Variants in POLD3 observed in about 807,000 individuals in gnomAD.
The protein encoded by POLD3 is DNA polymerase delta subunit 3.
In POLD3, 19 loss-of-function variants were observed where a neutral mutation model predicts 58.2. The ratio of observed to expected loss-of-function variants is 0.33; its 90% CI spans 0.23 to 0.48. The LOEUF is 0.48. POLD3 is among the 20% of genes least tolerant of loss of function. The probability of loss-of-function intolerance (pLI) is 0.99; values close to 1 mark genes in which losing one functional copy is unlikely to be tolerated. For synonymous variants in POLD3, 172 were observed against 193.5 expected (o/e 0.89, Z 0.92); for missense variants, 504 against 545.5 (o/e 0.92, Z 0.76).
chr11:74,615,420 A>G (rs2032053478), intron 5 of POLD3, among the ~76,000 whole-genome samples: 1 of 152,228 alleles, frequency 6.6e-6, no homozygotes, highest in Admixed American at 6.5e-5. Context: ...AATGCTGAGA[A>G]GCCAAGTAAG....
At chr11:74,608,154 TA>T (rs2031761588) in intron 3 of POLD3, among the ~76,000 whole-genome samples, 1 of 152,212 alleles carries the variant, frequency 6.6e-6, no homozygotes, top group African/African-American at 2.4e-5. Context: ...AATCATTGCC[TA>T]AATCATTAAT....
chr11:74,610,470 A>G (rs575580467), intron 3 of POLD3, among the ~76,000 whole-genome samples: 58 of 152,182 alleles, frequency 3.8e-4, no homozygotes, highest in African/African-American at 1.3e-3. Context: ...CGGCCTCCCA[A>G]AGTACTGGGA....
At chr11:74,668,713 G>C (rs1300014952) in intron 4 of POLD3, 5 of 1,145,988 alleles carry the variant, frequency 4.4e-6, no homozygotes, top group South Asian at 1.3e-5. Context: ...ATGGGGTTAG[G>C]GGGTATAATG....
intron 4 of POLD3, among the ~76,000 whole-genome samples, chr11:74,661,556 G>C (rs1236917816): frequency 6.6e-6 from 1 of 152,220 alleles, no homozygotes; most frequent in African/African-American, 2.4e-5. Flanking sequence ...TTCACTCTCT[G>C]TGCTGAGCCG....
intron 4 of POLD3, among the ~76,000 whole-genome samples, chr11:74,650,216 A>G (rs551048822): frequency 3.3e-5 from 5 of 152,242 alleles, no homozygotes; most frequent in African/African-American, 9.6e-5. Context: ...TTTGCCAACT[A>G]ACCTTTATTG....
intron 2 of POLD3, among the ~76,000 whole-genome samples, chr11:74,596,663 T>G (rs1235668437): frequency 1.5e-5 from 2 of 129,612 alleles, no homozygotes; most frequent in East Asian, 2.2e-4. Context: ...CAAGAATATA[T>G]CATCACTAAC....
In POLD3 at chr11:74,640,743, A is replaced by T; in HGVS notation, c.1378A>T (p.Thr460Ser). Residue 460 changes from threonine (T) to serine (S), a missense_variant, in exon 12 of 12, where the codon ACT becomes TCT. By Grantham distance (58) the Thr-to-Ser change is moderately conservative. Around this residue, in one of 2 missense-constraint regions of POLD3, gnomAD observed 385 missense variants for 370.5 expected, o/e 1.04. Coordinates refer to ENST00000263681, the MANE Select transcript of POLD3 (RefSeq NM_006591.3). ...LGKANRQVSI[T>S]GFFQRK ...CAAAGCCAACAGACAGGTGTCCATT[A>T]CTGGCTTCTTCCAGAGGAAATAAAC... 1 of 1,599,624 alleles carries T rather than the reference A, an allele frequency of 6.3e-7. No homozygotes were observed. Among genetic ancestry groups the T allele is most frequent in the Non-Finnish European group, 8.5e-7 (1 of 1,175,006 alleles).
chr11:74,662,459 G>A (rs2033216951), intron 4 of POLD3, among the ~76,000 whole-genome samples: 1 of 152,112 alleles, frequency 6.6e-6, no homozygotes, highest in African/African-American at 2.4e-5. Context: ...CTGGACCAGG[G>A]TGTGTCTAGA....
At chr11:74,637,871 C>A (rs1032382722) in intron 11 of POLD3, among the ~76,000 whole-genome samples, 1 of 151,294 alleles carries the variant, frequency 6.6e-6, no homozygotes, top group Non-Finnish European at 1.5e-5. Flanking sequence ...CTTTGGTTAC[C>A]AACAAAGGAG....
At chr11:74,657,037 C>A (rs1467896002) in intron 4 of POLD3, among the ~76,000 whole-genome samples, 1 of 60,872 alleles carries the variant, frequency 1.6e-5, no homozygotes, top group African/African-American at 6.4e-5. Flanking sequence ...TATATAATGA[C>A]CTTCCTTGTC....
At chr11:74,656,862 T>C (rs2033143007) in intron 4 of POLD3, among the ~76,000 whole-genome samples, 1 of 152,006 alleles carries the variant, frequency 6.6e-6, no homozygotes, top group African/African-American at 2.4e-5. Flanking sequence ...TTGGATGAAA[T>C]GTTCTCTAAA....
chr11:74,662,217 C>T (rs1376309272), intron 4 of POLD3, among the ~76,000 whole-genome samples: 3 of 152,206 alleles, frequency 2.0e-5, no homozygotes, highest in African/African-American at 7.2e-5. Flanking sequence ...AAGACAAAGT[C>T]CCCTTTACTT....
chr11:74,610,928 C>T (rs2031889865), intron 3 of POLD3, among the ~76,000 whole-genome samples: 1 of 152,132 alleles, frequency 6.6e-6, no homozygotes, highest in East Asian at 1.9e-4. Flanking sequence ...GTGCCTGCCA[C>T]CATGCCCAGC....
At chr11:74,606,357 A>C (rs1365893345) in intron 3 of POLD3, among the ~76,000 whole-genome samples, 1 of 152,190 alleles carries the variant, frequency 6.6e-6, no homozygotes, top group Non-Finnish European at 1.5e-5. Context: ...GCTGATTGTC[A>C]TATTTTCTTC....
chr11:74,663,315 A>C (rs1203202648), intron 4 of POLD3, among the ~76,000 whole-genome samples: 2 of 152,252 alleles, frequency 1.3e-5, no homozygotes, highest in Non-Finnish European at 2.9e-5. Context: ...AAATGGATCA[A>C]TAGGTTCAAA....
chr11:74,652,162 T>C (rs2033075454), intron 4 of POLD3, among the ~76,000 whole-genome samples: 1 of 152,200 alleles, frequency 6.6e-6, no homozygotes, highest in Non-Finnish European at 1.5e-5. Flanking sequence ...CCTAAATGCC[T>C]TGTAATAACA....
intron 2 of POLD3, among the ~76,000 whole-genome samples, chr11:74,601,678 C>T (rs2031504922): frequency 6.6e-6 from 1 of 152,080 alleles, no homozygotes; most frequent in Non-Finnish European, 1.5e-5. Flanking sequence ...GTCCTGTTTA[C>T]TTAGGAGGCT....
At chr11:74,603,452 A>T (rs1565112629) in intron 2 of POLD3, among the ~76,000 whole-genome samples, 1 of 152,186 alleles carries the variant, frequency 6.6e-6, no homozygotes, top group Non-Finnish European at 1.5e-5. Context: ...GATGGATGAA[A>T]TAAACCGAGG....
chr11:74,622,341 G>A (rs187645398), intron 7 of POLD3, among the ~76,000 whole-genome samples: 83 of 152,186 alleles, frequency 5.5e-4, no homozygotes, highest in African/African-American at 1.9e-3. Flanking sequence ...ACGTGTGCAT[G>A]TAAGACCCCA....
Sources: allele counts gnomAD v4.1 joint callset (sites outside exome capture counted in the v4.1 genomes callset), GRCh38; gene constraint gnomAD v4.1.1; regional missense constraint gnomAD v4.1.1; transcripts MANE v1.5; gene names NCBI Gene and HGNC (gene_info 2026-07-23, HGNC 2026-07-21).